The following LCP2 variants were observed in gnomAD, a reference collection of about 807,000 sequenced individuals.
LCP2 encodes 76 kDa tyrosine phosphoprotein.
LCP2 carries 29 observed loss-of-function variants against 74.5 expected under a neutral mutation model. The observed-to-expected ratio is 0.39, with a 90% CI of 0.29 to 0.53. LCP2 has a LOEUF of 0.53. Ranked by LOEUF, LCP2 falls within the 20% of genes least tolerant of loss-of-function variation. The pLI, the probability that LCP2 is intolerant of heterozygous loss-of-function variation, is 0.72. For synonymous variants in LCP2, 228 were observed against 229.5 expected (o/e 0.99, Z 0.06); for missense variants, 604 against 634.6 (o/e 0.95, Z 0.52).
At position 170,297,571 on chromosome 5, in the gene LCP2, C is replaced by G; in HGVS notation, c.41G>C (p.Gly14Ala). The G allele has an allele frequency of 6.2e-7, 1 of 1,613,088 alleles. No individual in the cohort carries two copies. Among genetic ancestry groups the G allele is most frequent in the Non-Finnish European group, 8.5e-7 (1 of 1,179,508 alleles). ...GTCAGCAAGGCTGTCGGGGTCCCAG[C>G]CCAGGACCTCTGAGCGAAAGGGCAC... is the stretch of plus-strand genomic sequence containing the variant. Reference protein sequence around the residue: ...RNVPFRSEVLGWDPDSLADYF... With the variant: ...RNVPFRSEVLAWDPDSLADYF... The change falls in exon 1 of 21, where the codon GGC becomes GCC. Residue 14 changes from glycine (G) to alanine (A), a missense_variant. Gly to Ala is a moderately conservative substitution (Grantham distance 60). Transcript: ENST00000046794.
chr5:170,282,746 T>C (rs367676815), intron 3 of LCP2, among the ~76,000 whole-genome samples: 13 of 152,342 alleles, frequency 8.5e-5, no homozygotes, highest in African/African-American at 2.2e-4. Context: ...ATTAGCATTA[T>C]ACAGATAAGG....
At chr5:170,289,671 TTCTC>T (rs1362284640) in intron 2 of LCP2, among the ~76,000 whole-genome samples, 10 of 84,134 alleles carry the variant, frequency 1.2e-4, no homozygotes, top group South Asian at 7.9e-4. Flanking sequence ...CTTTCTTTCT[TTCTC>T]TCTCTCTCTC....
Position 170,254,993 on chromosome 5 carries a change from TTAAC to T in LCP2, c.1150+1529_1150+1532del, listed in dbSNP as rs1159885188. On this transcript the variant is annotated intron_variant, in intron 17 of 20. Transcript: ENST00000046794. ...GATCAAGCTAATGTTCCAAAAATAA[TTAAC>T]TATTTGCATTAATAAGCCCCATCAC... Among the ~76,000 whole-genome samples the T allele has an allele frequency of 6.6e-5, 10 of 152,200 alleles. No homozygotes were observed. The East Asian group carries it at 1.5e-3, about 23-fold the overall frequency.
At chr5:170,294,603 T>G (rs1762341273) in intron 1 of LCP2, among the ~76,000 whole-genome samples, 1 of 152,212 alleles carries the variant, frequency 6.6e-6, no homozygotes, top group African/African-American at 2.4e-5. Flanking sequence ...ATTTTTATCT[T>G]ATAGCTAGCA....
At chr5:170,293,436 T>C in intron 1 of LCP2, 64 bp from the exon 2 acceptor site, 1 of 1,475,836 alleles carries the variant, frequency 6.8e-7, no homozygotes, top group Non-Finnish European at 9.3e-7. Flanking sequence ...TTCCTCTCCC[T>C]TGCCTGCCCC....
In LCP2 at chr5:170,287,888, G is replaced by T. The variant is rs1762210485; in HGVS notation, c.188+82C>A. 3.9e-6 allele frequency: 5 copies of T among 1,288,964 alleles called. No homozygotes were observed. The Admixed American group carries it at 5.1e-5, about 13-fold the overall frequency. 79.8% of individuals were successfully genotyped at this position (1,288,964 alleles called of 1,614,324 possible). A position where few individuals can be genotyped will look rare whatever the true frequency, so the allele number is the denominator to read the frequency against. ...CTTATTTCAAGCCGACAATGACATA[G>T]AACTGACCCAGCCCCCACTCACACT... On this transcript the variant is annotated intron_variant, in intron 3 of 20. Coordinates refer to ENST00000046794, the MANE Select transcript of LCP2 (RefSeq NM_005565.5).
chr5:170,252,147 T>A, intron 19 of LCP2: 1 of 244,456 alleles, frequency 4.1e-6, no homozygotes, highest in Non-Finnish European at 8.1e-6. Flanking sequence ...TGACACCATG[T>A]GATTCCTATG....
At chr5:170,255,442 A>G (rs899422283) in intron 17 of LCP2, among the ~76,000 whole-genome samples, 1 of 152,324 alleles carries the variant, frequency 6.6e-6, no homozygotes, top group East Asian at 1.9e-4. Context: ...ACTGCAAAAA[A>G]AGTGGCTTTT....
At chr5:170,278,652 A>T (rs1204630959) in intron 3 of LCP2, among the ~76,000 whole-genome samples, 1 of 152,060 alleles carries the variant, frequency 6.6e-6, no homozygotes, top group African/African-American at 2.4e-5. Context: ...AGAGTTTGAC[A>T]GGGCTCTGAC....
At chr5:170,254,153 G>T (rs949387349) in intron 17 of LCP2, among the ~76,000 whole-genome samples, 3 of 152,128 alleles carry the variant, frequency 2.0e-5, no homozygotes, top group Admixed American at 6.5e-5. Context: ...GGTAGGTATT[G>T]TCTTCATTTT....
At chr5:170,253,345 G>T in intron 17 of LCP2, 132 bp from the exon 18 acceptor site, 1 of 529,238 alleles carries the variant, frequency 1.9e-6, no homozygotes, top group Non-Finnish European at 3.3e-6. Flanking sequence ...CGCATTTTAA[G>T]AAACAAGGGC....
intron 2 of LCP2, among the ~76,000 whole-genome samples, chr5:170,292,964 G>T (rs1275651472): frequency 6.6e-6 from 1 of 152,234 alleles, no homozygotes; most frequent in Non-Finnish European, 1.5e-5. Flanking sequence ...CCACTCATGA[G>T]TATGTGCTCC....
At chr5:170,281,449 G>A (rs1001087314) in intron 3 of LCP2, among the ~76,000 whole-genome samples, 3 of 151,980 alleles carry the variant, frequency 2.0e-5, no homozygotes, top group Non-Finnish European at 4.4e-5. Context: ...TCGGCTAATT[G>A]TTTTGTATTT....
At chr5:170,258,326 C>T in intron 15 of LCP2, 160 bp from the exon 16 acceptor site, 1 of 676,034 alleles carries the variant, frequency 1.5e-6, no homozygotes, top group East Asian at 2.7e-5. Context: ...GAACCTTGCT[C>T]CCAGGGTGTT....
At chr5:170,291,199 C>CAGGAAGGGAGGAAGGAAGGAAGGA (rs1762289777) in intron 2 of LCP2, among the ~76,000 whole-genome samples, 1 of 125,524 alleles carries the variant, frequency 8.0e-6, no homozygotes, top group African/African-American at 3.5e-5. Context: ...GGAAAGAAGG[C>CAGGAAGGGAGGAAGGAAGGAAGGA]AGGAAGGAAG....
Position 170,294,458 on chromosome 5 carries a change from A to C in LCP2, c.79-1086T>G, listed in dbSNP as rs538042103. Among the ~76,000 whole-genome samples, 39 of 152,312 alleles carry C rather than the reference A, an allele frequency of 2.6e-4. No homozygotes were observed. In the South Asian group the frequency reaches 8.1e-3, roughly 32 times the overall value. Reference sequence around the variant, plus strand: ...TCAACAGCATAAATGTTCACATTTGAAGTATCTCTCAACTTGCTGCTTTGG... The same window carrying C: ...TCAACAGCATAAATGTTCACATTTGCAGTATCTCTCAACTTGCTGCTTTGG... On this transcript the variant is annotated intron_variant, in intron 1 of 20. Transcript: ENST00000046794.
chr5:170,248,881 C>A lies in LCP2; in HGVS notation c.1480-62G>T, dbSNP rs537112993. 2.6e-5 allele frequency: 41 copies of A among 1,562,256 alleles called. No individual in the cohort carries two copies. In the South Asian group the frequency reaches 4.5e-4, roughly 17 times the overall value. ...GAATGAAAAGCAGGAACTTCACTTT[C>A]AGTTTTTTTATCTGCATAATATATG... On this transcript the variant is annotated intron_variant, in intron 20 of 20. Transcript: ENST00000046794.
At position 170,253,136 on chromosome 5, in the gene LCP2, A is replaced by G. The variant is rs1373582899; in HGVS notation, c.1228T>C (p.Ser410Pro). The G allele has an allele frequency of 5.6e-6, 9 of 1,609,868 alleles. No individual in the cohort carries two copies. The highest frequency in any genetic ancestry group is 7.6e-6 in the Non-Finnish European group (9 of 1,177,660). Reference protein sequence around the residue: ...LPLPNKPRPPSPAEEENSLNE... With the variant: ...LPLPNKPRPPPPAEEENSLNE... Reference sequence around the variant, plus strand: ...TCTCTTACCTCTTCCTCCGCGGGGGATGGGGGCCGAGGTTTGTTTGGAAGT... The same window carrying G: ...TCTCTTACCTCTTCCTCCGCGGGGGGTGGGGGCCGAGGTTTGTTTGGAAGT... Residue 410 changes from serine (S) to proline (P), a missense_variant, in exon 18 of 21, where the codon TCC becomes CCC. Physicochemically the swap from Ser to Pro is moderately conservative, Grantham distance 74 (BLOSUM62 -1). Transcript: ENST00000046794.
chr5:170,269,383 G>A (rs1266269078), intron 7 of LCP2, among the ~76,000 whole-genome samples: 1 of 152,320 alleles, frequency 6.6e-6, no homozygotes, highest in East Asian at 1.9e-4. Context: ...TCTAGTCCCA[G>A]CCTTGGGGAG....
Sources: gnomAD v4.1 joint callset for allele counts (sites outside exome capture counted in the v4.1 genomes callset) on GRCh38, gnomAD v4.1.1 for gene constraint, MANE v1.5 for transcripts, NCBI Gene and HGNC (gene_info 2026-07-23, HGNC 2026-07-21) for gene names.